MMP16: variants seen among roughly 807,000 people sequenced by gnomAD.
MMP16 encodes the protein matrix metalloproteinase-16.
Under a neutral mutation model 67.8 loss-of-function variants are expected in MMP16, and 12 were observed. That is an observed-to-expected ratio of 0.18 (90% CI 0.11 to 0.29). MMP16 has a LOEUF of 0.29. Ranked by LOEUF, MMP16 falls within the 10% of genes least tolerant of loss-of-function variation. The pLI is 1.00. For missense variants in MMP16, 475 were observed against 765.7 expected (o/e 0.62, Z 4.48); for synonymous variants, 249 against 255.9 (o/e 0.97, Z 0.26).
intron 1 of MMP16, among the ~76,000 whole-genome samples, chr8:88,324,823 T>C (rs1459931322): frequency 6.6e-6 from 1 of 152,080 alleles, no homozygotes; most frequent in East Asian, 1.9e-4. Context: ...TCTGTGTTCT[T>C]GACAATATTT....
intron 4 of MMP16, among the ~76,000 whole-genome samples, chr8:88,159,711 G>A (rs1489524920): frequency 1.3e-5 from 2 of 152,068 alleles, no homozygotes; most frequent in Non-Finnish European, 2.9e-5. Flanking sequence ...TCTTGTGCCA[G>A]TTTTCAAAGG....
intron 4 of MMP16, among the ~76,000 whole-genome samples, 177 bp downstream of exon 4, chr8:88,167,492 A>G (rs750708486): frequency 6.6e-6 from 1 of 152,202 alleles, no homozygotes; most frequent in Non-Finnish European, 1.5e-5. Flanking sequence ...TAACTATATT[A>G]TCTAATGACC....
chr8:88,157,282 T>C (rs886201596), intron 4 of MMP16, among the ~76,000 whole-genome samples: 3 of 152,084 alleles, frequency 2.0e-5, no homozygotes, highest in African/African-American at 7.2e-5. Flanking sequence ...ACTATTTACA[T>C]AGCATTTACC....
chr8:88,144,401 G>C (rs529423718), intron 4 of MMP16, among the ~76,000 whole-genome samples: 81 of 151,700 alleles, frequency 5.3e-4, no homozygotes, highest in African/African-American at 1.8e-3. Context: ...TAAAATTTTT[G>C]TTTAATTTAT....
chr8:88,035,422 T>G lies in MMP16; in HGVS notation c.*6039A>C, dbSNP rs1808041729. 1 of 152,014 alleles carries G rather than the reference T, an allele frequency of 6.6e-6. No individual in the cohort carries two copies. The highest frequency in any genetic ancestry group is 1.5e-5 in the Non-Finnish European group (1 of 67,928). 9.4% of individuals were successfully genotyped at this position (152,014 alleles called of 1,614,324 possible). On this transcript the variant is annotated 3_prime_UTR_variant, in exon 10 of 10. Coordinates refer to ENST00000286614, the MANE Select transcript of MMP16 (RefSeq NM_005941.5). The surrounding 1 kb of genome is among the most constrained non-coding windows in gnomAD (Gnocchi z 4.7). ...CCAGTCCAATGATGCATAAAACAAATTCTAAGACACACTCATCTTTAAGTT... is the reference window on the plus strand; with the variant it reads ...CCAGTCCAATGATGCATAAAACAAAGTCTAAGACACACTCATCTTTAAGTT...
chr8:88,183,015 A>G (rs1228392640), intron 3 of MMP16, among the ~76,000 whole-genome samples: 1 of 152,136 alleles, frequency 6.6e-6, no homozygotes, highest in African/African-American at 2.4e-5. Context: ...AAAACGATGG[A>G]GACATTAAAA....
chr8:88,296,843 TA>T (rs35274247), intron 1 of MMP16, among the ~76,000 whole-genome samples: 14,134 of 114,786 alleles, frequency 0.12, 1,154 homozygotes, highest in East Asian at 0.42. Flanking sequence ...AGACACTGCC[TA>T]AAAAAAAAAA....
chr8:88,218,627 C>A (rs1809630853), intron 1 of MMP16, among the ~76,000 whole-genome samples: 1 of 151,806 alleles, frequency 6.6e-6, no homozygotes, highest in Admixed American at 6.6e-5. Flanking sequence ...TCAATTATAC[C>A]TTGATAAAAC....
At chr8:88,067,551 C>T (rs1459383487) in intron 7 of MMP16, among the ~76,000 whole-genome samples, 1 of 152,052 alleles carries the variant, frequency 6.6e-6, no homozygotes, top group Admixed American at 6.6e-5. Flanking sequence ...AACATTTCAT[C>T]ATTCTGAGAA....
intron 4 of MMP16, among the ~76,000 whole-genome samples, chr8:88,125,582 A>G (rs1563539180): frequency 6.6e-6 from 1 of 151,970 alleles, no homozygotes; most frequent in East Asian, 1.9e-4. Flanking sequence ...AAAATATTTG[A>G]ATAATCAAGG....
At position 88,134,615 on chromosome 8, in the gene MMP16, A is replaced by C. The variant is rs895449185; in HGVS notation, c.710-15754T>G. On this transcript the variant is annotated intron_variant, in intron 4 of 9. Transcript: ENST00000286614. ...TAAACCATGTATCTATCTCCTCTCTATATATTTTTCTAACTTTCCTCTCAA... is the reference window on the plus strand; with the variant it reads ...TAAACCATGTATCTATCTCCTCTCTCTATATTTTTCTAACTTTCCTCTCAA... 2.4e-4 allele frequency among the ~76,000 whole-genome samples: 36 copies of C among 151,550 alleles called. 1 individual carries two copies. Among genetic ancestry groups the C allele is most frequent in the African/African-American group, 8.4e-4 (35 of 41,438 alleles).
intron 2 of MMP16, among the ~76,000 whole-genome samples, chr8:88,193,089 A>T (rs1264271517): frequency 1.3e-5 from 2 of 152,114 alleles, no homozygotes; most frequent in East Asian, 3.9e-4. Flanking sequence ...AGTATATTGA[A>T]AAGATATCTA....
intron 1 of MMP16, among the ~76,000 whole-genome samples, chr8:88,221,879 T>C (rs1005202674): frequency 3.3e-5 from 5 of 152,234 alleles, no homozygotes; most frequent in African/African-American, 1.2e-4. Flanking sequence ...CCTATAATCA[T>C]ATACTGATTT....
At chr8:88,128,829 G>C (rs139069267) in intron 4 of MMP16, among the ~76,000 whole-genome samples, 32 of 151,884 alleles carry the variant, frequency 2.1e-4, no homozygotes, top group African/African-American at 7.2e-4. Flanking sequence ...GGATCCTAAA[G>C]ATCTGGATGG....
intron 3 of MMP16, among the ~76,000 whole-genome samples, chr8:88,175,498 C>T (rs966557236): frequency 6.6e-6 from 1 of 152,146 alleles, no homozygotes; most frequent in African/African-American, 2.4e-5. Context: ...CTTTAAAGTG[C>T]AATATACTTA....
chr8:88,259,039 A>G (rs917609984), intron 1 of MMP16, among the ~76,000 whole-genome samples: 3 of 152,030 alleles, frequency 2.0e-5, no homozygotes, highest in African/African-American at 7.2e-5. Context: ...TCCTCCTTTC[A>G]CCATACATCA....
chr8:88,295,259 AG>A (rs1259387195), intron 1 of MMP16, among the ~76,000 whole-genome samples: 3 of 152,332 alleles, frequency 2.0e-5, no homozygotes, highest in Admixed American at 1.3e-4. Context: ...CTTATTTAGA[AG>A]AAATGTTCTA....
intron 1 of MMP16, among the ~76,000 whole-genome samples, chr8:88,220,223 A>T (rs779259315): frequency 3.9e-4 from 60 of 152,256 alleles, no homozygotes; most frequent in Non-Finnish European, 8.1e-4. Context: ...GGCAGTTTCC[A>T]TATTTCCTCA....
chr8:88,279,318 G>A (rs539225285), intron 1 of MMP16, among the ~76,000 whole-genome samples: 10 of 151,606 alleles, frequency 6.6e-5, no homozygotes, highest in Middle Eastern at 3.4e-3. Flanking sequence ...CCGCCATATT[G>A]CATTAAATAA....
Sources: gnomAD v4.1 joint callset for allele counts (sites outside exome capture counted in the v4.1 genomes callset) on GRCh38, gnomAD v4.1.1 for gene constraint, Gnocchi (gnomAD v3.1) non-coding constraint, MANE v1.5 for transcripts, NCBI Gene and HGNC (gene_info 2026-07-23, HGNC 2026-07-21) for gene names.